Variants in UNC93A observed in about 807,000 individuals in gnomAD.
UNC93A encodes the protein unc-93 homolog A, also known as N-acetylglucosamine transporter UNC93A.
Under a neutral mutation model 47.5 loss-of-function variants are expected in UNC93A, and 43 were observed. The ratio of observed to expected loss-of-function variants is 0.91; its 90% CI spans 0.71 to 1.17. The LOEUF is 1.17. Among genes scored for constraint, UNC93A ranks in the 50% most tolerant of loss-of-function variants. The pLI is 0.00. For missense variants in UNC93A, 605 were observed against 577.6 expected (o/e 1.05, Z -0.49); for synonymous variants, 280 against 258.0 (o/e 1.09, Z -0.82).
intron 1 of UNC93A, 140 bp downstream of exon 1, chr6:167,291,716 A>T (rs146229966): frequency 6.5e-6 from 5 of 767,298 alleles, no homozygotes; most frequent in Non-Finnish European, 1.0e-5. Context: ...ATCCTCTAAA[A>T]CAAACAGTGG....
intron 4 of UNC93A, among the ~76,000 whole-genome samples, chr6:167,299,136 A>AAATG (rs3046653): frequency 0.021 from 2,385 of 112,788 alleles, 121 homozygotes; most frequent in African/African-American, 0.084. Flanking sequence ...AAAAATACAC[A>AAATG]CACACACACA....
upstream of UNC93A, among the ~76,000 whole-genome samples, chr6:167,289,459 AAAGCAGACGTAACTG>A (rs1231040804): frequency 5.9e-5 from 9 of 152,328 alleles, no homozygotes; most frequent in African/African-American, 2.2e-4. Context: ...AAAGAGAGAA[AAAGCAGACGTAACTG>A]AAGCCATGGT....
At chr6:167,274,321 C>T (rs1271675241) in intron 1 of UNC93A, among the ~76,000 whole-genome samples, 2 of 152,192 alleles carry the variant, frequency 1.3e-5, no homozygotes, top group African/African-American at 4.8e-5. Flanking sequence ...CTCCTTCCAT[C>T]TGGTGGTACA....
intron 1 of UNC93A, among the ~76,000 whole-genome samples, chr6:167,292,706 C>T (rs1032520318): frequency 7.2e-5 from 11 of 152,154 alleles, no homozygotes; most frequent in African/African-American, 2.7e-4. Context: ...GTGTTGTTGT[C>T]ACAGAATGCT....
At chr6:167,300,022 G>C (rs1433733597) in intron 4 of UNC93A, among the ~76,000 whole-genome samples, 1 of 152,076 alleles carries the variant, frequency 6.6e-6, no homozygotes, top group African/African-American at 2.4e-5. Context: ...GGGGCTGAGA[G>C]AGAGGCCAGC....
upstream of UNC93A, among the ~76,000 whole-genome samples, chr6:167,269,911 G>A (rs1331647959): frequency 1.3e-5 from 2 of 152,018 alleles, no homozygotes; most frequent in African/African-American, 2.4e-5. Context: ...CACTGGGCCC[G>A]GCCAATAATG....
intron 4 of UNC93A, among the ~76,000 whole-genome samples, chr6:167,303,406 AT>A (rs573988971): frequency 1.3e-3 from 193 of 152,220 alleles, no homozygotes; most frequent in African/African-American, 4.4e-3. Context: ...AATGCACAAC[AT>A]TCTGTTGTAG....
chr6:167,275,107 G>A (rs1282165572), intron 1 of UNC93A, among the ~76,000 whole-genome samples: 2 of 152,150 alleles, frequency 1.3e-5, no homozygotes, highest in Non-Finnish European at 2.9e-5. Context: ...TGGCATCTGT[G>A]TTTTCAGGTG....
chr6:167,304,693 C>T (rs1426945005), intron 5 of UNC93A, among the ~76,000 whole-genome samples: 1 of 152,150 alleles, frequency 6.6e-6, no homozygotes, highest in Admixed American at 6.5e-5. Flanking sequence ...GCCTCAGCCT[C>T]CCAAGTAGCT....
At chr6:167,290,213 G>A (rs187082444), upstream of UNC93A, among the ~76,000 whole-genome samples, 86 of 152,300 alleles carry the variant, frequency 5.6e-4, 1 homozygote, top group African/African-American at 1.1e-3. Context: ...GCTAGACTGC[G>A]TGGCTCTTAT....
upstream of UNC93A, among the ~76,000 whole-genome samples, chr6:167,286,805 C>A (rs1047006536): frequency 6.6e-6 from 1 of 151,914 alleles, no homozygotes; most frequent in Non-Finnish European, 1.5e-5. Flanking sequence ...CGGTGAAACC[C>A]CGTCTCTACT....
intron 4 of UNC93A, among the ~76,000 whole-genome samples, chr6:167,302,872 T>C (rs1244452006): frequency 6.6e-6 from 1 of 152,142 alleles, no homozygotes; most frequent in African/African-American, 2.4e-5. Context: ...AAATAAATAA[T>C]TCATAAGGTT....
chr6:167,269,955 G>T (rs968376895), upstream of UNC93A, among the ~76,000 whole-genome samples: 2 of 150,244 alleles, frequency 1.3e-5, no homozygotes, highest in Non-Finnish European at 2.9e-5. Flanking sequence ...AGGGGGTCCT[G>T]CATTTGTGTT....
chr6:167,315,420 G>A lies in UNC93A; in HGVS notation c.1342G>A (p.Ala448Thr), dbSNP rs1245122730. The change falls in exon 8 of 8, where the codon GCA (alanine) becomes ACA (threonine). Residue 448 changes from alanine to threonine, a missense_variant. By Grantham distance (58) the Ala-to-Thr change is moderately conservative. Coordinates refer to ENST00000230256, the MANE Select transcript of UNC93A (RefSeq NM_018974.4). ...RPHAPGQVNQ[A>T]EDEEIQTKM ...CCACGCTCCAGGACAGGTCAACCAG[G>A]CAGAGGATGAAGAAATACAAACAAA... The A allele has an allele frequency of 6.8e-6, 11 of 1,613,866 alleles. No individual in the cohort carries two copies. The highest frequency in any genetic ancestry group is 9.3e-6 in the Non-Finnish European group (11 of 1,179,878).
intron 1 of UNC93A, among the ~76,000 whole-genome samples, chr6:167,285,296 GAA>G (rs1398091869): frequency 6.6e-6 from 1 of 151,906 alleles, no homozygotes; most frequent in Non-Finnish European, 1.5e-5. Flanking sequence ...CTAAAGTGCA[GAA>G]TTCGGGAAAT....
At chr6:167,269,545 T>C (rs1257139103), upstream of UNC93A, among the ~76,000 whole-genome samples, 1 of 152,170 alleles carries the variant, frequency 6.6e-6, no homozygotes, top group African/African-American at 2.4e-5. Context: ...GGAAAGAGAC[T>C]GCAGAGGGAA....
rs145932416 is a variant in UNC93A at position 167,298,024 on chromosome 6, G to T, written c.579G>T (p.Gln193His). 6.2e-7 allele frequency: 1 copy of T among 1,613,960 alleles called. No homozygotes were observed. Among genetic ancestry groups the T allele is most frequent in the Non-Finnish European group, 8.5e-7 (1 of 1,179,982 alleles). The change falls in exon 4 of 8, where the codon CAG becomes CAT. Residue 193 changes from glutamine to histidine, a missense_variant. Coordinates refer to ENST00000230256, the MANE Select transcript of UNC93A (RefSeq NM_018974.4). ...LMATTTTNST[Q>H]RPSQQLVYTL... ...CCACCACAACCACCAACAGCACCCA[G>T]AGGCCCTCCCAGCAGCTGGTCTACA... is the stretch of plus-strand genomic sequence containing the variant.
chr6:167,291,328 A>G lies in UNC93A; in HGVS notation c.-162A>G. On this transcript the variant is annotated 5_prime_UTR_variant, in exon 1 of 8. Coordinates refer to ENST00000230256, the MANE Select transcript of UNC93A (RefSeq NM_018974.4). ...ATAACCAAGTTCATTAACGAGTGAC[A>G]GTCTTAATGACTAACACACCTCTAA... 1 of 540,692 alleles carries G rather than the reference A, an allele frequency of 1.8e-6. No homozygotes were observed. Among genetic ancestry groups the G allele is most frequent in the Non-Finnish European group, 3.2e-6 (1 of 313,416 alleles). The allele number at this position is 540,692 out of a possible 1,614,324, so 33.5% of individuals were successfully genotyped here. A position where few individuals can be genotyped will look rare whatever the true frequency, so the allele number is the denominator to read the frequency against.
In UNC93A at chr6:167,315,627, T is replaced by A; in HGVS notation, c.*175T>A. The A allele has an allele frequency of 1.3e-6, 1 of 796,174 alleles. No individual in the cohort carries two copies. The highest frequency in any genetic ancestry group is 1.9e-6 in the Non-Finnish European group (1 of 523,968). 49.3% of individuals were successfully genotyped at this position (796,174 alleles called of 1,614,324 possible). The stretch of plus-strand genomic sequence containing the variant: ...TTTTTTTTCTATTCTAACAAATTTT[T>A]CGTCCACCATCTTAACAGAGATCAA... On this transcript the variant is annotated 3_prime_UTR_variant, in exon 8 of 8. Transcript: ENST00000230256.
Sources: allele counts gnomAD v4.1 joint callset (sites outside exome capture counted in the v4.1 genomes callset), GRCh38; gene constraint gnomAD v4.1.1; transcripts MANE v1.5; gene names NCBI Gene and HGNC (gene_info 2026-07-23, HGNC 2026-07-21).